Variants in NFKB1 observed in about 807,000 individuals in gnomAD.
The protein encoded by NFKB1 is nuclear factor NF-kappa-B p105 subunit.
In NFKB1, 9 loss-of-function variants were observed where a neutral mutation model predicts 105.1. The observed-to-expected ratio is 0.09, with a 90% CI of 0.05 to 0.15. NFKB1 has a LOEUF of 0.15. Among genes scored for constraint, NFKB1 ranks in the 10% least tolerant of loss-of-function variants. The pLI is 1.00. For synonymous variants in NFKB1, 440 were observed against 442.2 expected, an observed-to-expected ratio of 1.00 and a Z score of 0.06; for missense variants, 830 against 1,203.7, an observed-to-expected ratio of 0.69 and a Z score of 4.59.
chr4:102,538,365 A>G (rs1044290277), intron 5 of NFKB1, among the ~76,000 whole-genome samples: 4 of 152,248 alleles, frequency 2.6e-5, no homozygotes, highest in African/African-American at 9.6e-5. Flanking sequence ...ATTTGGATCC[A>G]GACTTTGTTA....
intron 1 of NFKB1, among the ~76,000 whole-genome samples, chr4:102,515,107 ATTTTT>A (rs34257045): frequency 1.0e-5 from 1 of 95,656 alleles, no homozygotes; most frequent in African/African-American, 4.4e-5. Flanking sequence ...TATTATTATT[ATTTTT>A]TTTTTTTTTT....
intron 5 of NFKB1, among the ~76,000 whole-genome samples, chr4:102,544,553 G>C (rs1236966675): frequency 1.3e-5 from 2 of 152,074 alleles, no homozygotes; most frequent in Non-Finnish European, 1.5e-5. Flanking sequence ...TGTGTGTCAG[G>C]TACTGCTCTA....
In NFKB1 at chr4:102,607,354, T is replaced by A. The variant is rs200407158; in HGVS notation, c.2124+35T>A. The A allele has an allele frequency of 4.1e-5, 66 of 1,591,410 alleles. 1 individual carries two copies. The African/African-American group carries it at 7.4e-4, about 18-fold the overall frequency. On this transcript the variant is annotated intron_variant, in intron 18 of 23. Coordinates refer to ENST00000226574, the MANE Select transcript of NFKB1 (RefSeq NM_003998.4). ...ACACTTATTTGCTTTTGCATTAAAT[T>A]TCTGAGGGAGATTTAAGGAAATCTT... is the stretch of plus-strand genomic sequence containing the variant.
At chr4:102,528,044 G>A (rs540617621) in intron 2 of NFKB1, among the ~76,000 whole-genome samples, 3 of 152,176 alleles carry the variant, frequency 2.0e-5, no homozygotes, top group African/African-American at 7.2e-5. Context: ...ATTTCCTAAA[G>A]TTTGCATGTC....
rs1739393072 is a variant in NFKB1, at chr4:102,505,943, T to C, written c.-8+4155T>C. Reference sequence around the variant, plus strand: ...AATTACATTATTTTGCTTTGCCTTCTGGAAAGAAAGGAGCACAAAATAGTC... The same window carrying C: ...AATTACATTATTTTGCTTTGCCTTCCGGAAAGAAAGGAGCACAAAATAGTC... On this transcript the variant is annotated intron_variant, in intron 1 of 23. Transcript: ENST00000226574. Among the ~76,000 whole-genome samples, 3 of 152,160 alleles carry C rather than the reference T, an allele frequency of 2.0e-5. 1 individual carries two copies. Among genetic ancestry groups the C allele is most frequent in the Admixed American group, 2.0e-4 (3 of 15,282 alleles).
intron 5 of NFKB1, among the ~76,000 whole-genome samples, chr4:102,540,859 A>C (rs932755520): frequency 3.3e-5 from 5 of 152,128 alleles, no homozygotes; most frequent in African/African-American, 1.2e-4. Flanking sequence ...TTAAGTTTAC[A>C]AAGGAATTTT....
intron 1 of NFKB1, among the ~76,000 whole-genome samples, chr4:102,513,869 A>G (rs1303644740): frequency 6.6e-6 from 1 of 151,954 alleles, no homozygotes; most frequent in African/African-American, 2.4e-5. Flanking sequence ...TTCCGTGTGT[A>G]TTTAAAAATA....
intron 7 of NFKB1, chr4:102,578,605 A>C: frequency 2.1e-6 from 1 of 477,438 alleles, no homozygotes; most frequent in Non-Finnish European, 3.7e-6. Flanking sequence ...AGGAAAGGGA[A>C]AGGTGGGGGA....
In NFKB1 at chr4:102,529,947, C is replaced by T. The variant is rs1410167917; in HGVS notation, c.118+33C>T. 16 of 1,482,838 alleles carry T rather than the reference C, an allele frequency of 1.1e-5. No individual in the cohort carries two copies. In the East Asian group the frequency reaches 3.7e-4, roughly 34 times the overall value. 91.9% of individuals were successfully genotyped at this position (1,482,838 alleles called of 1,614,324 possible). On this transcript the variant is annotated intron_variant, in intron 3 of 23. Transcript: ENST00000226574. ...AACTCATCCCTGTTACCCTGTTGTT[C>T]TGCTTTCAGTCTTAGTAAAATGCAG...
In NFKB1 at chr4:102,552,278, T is replaced by G. The variant is rs181708607; in HGVS notation, c.258+14322T>G. Among the ~76,000 whole-genome samples the G allele has an allele frequency of 2.0e-5, 3 of 152,286 alleles. No individual in the cohort carries two copies. In the East Asian group the frequency reaches 5.8e-4, roughly 29 times the overall value. On this transcript the variant is annotated intron_variant, in intron 5 of 23. Coordinates refer to ENST00000226574, the MANE Select transcript of NFKB1 (RefSeq NM_003998.4). ...ATTTATAGCCTGGAGGATTTGGTTG[T>G]CTTCAAATATATGAATGGCTGTGAT... is the stretch of plus-strand genomic sequence containing the variant.
intron 5 of NFKB1, among the ~76,000 whole-genome samples, chr4:102,546,478 A>G: frequency 6.6e-6 from 1 of 152,154 alleles, no homozygotes; most frequent in East Asian, 1.9e-4. Context: ...CTCCCACTAC[A>G]ATACACTTAG....
intron 5 of NFKB1, among the ~76,000 whole-genome samples, chr4:102,551,728 A>G (rs230512): frequency 0.59 from 89,198 of 151,852 alleles, 26,390 homozygotes; most frequent in Middle Eastern, 0.71. Flanking sequence ...ATCTTTCACC[A>G]AACACTTTAA....
intron 9 of NFKB1, 80 bp downstream of exon 9, chr4:102,580,719 T>C (rs1725255343): frequency 1.8e-6 from 2 of 1,125,604 alleles, no homozygotes; most frequent in Admixed American, 2.0e-5. Context: ...GTGAGTCACA[T>C]TTCAGCAGTG....
intron 6 of NFKB1, among the ~76,000 whole-genome samples, chr4:102,568,702 T>C (rs1335728304): frequency 6.6e-6 from 1 of 152,206 alleles, no homozygotes; most frequent in Non-Finnish European, 1.5e-5. Context: ...TGGTTTGCTT[T>C]AGTAATCTTT....
At chr4:102,506,669 A>G (rs1739434843) in intron 1 of NFKB1, among the ~76,000 whole-genome samples, 2 of 152,156 alleles carry the variant, frequency 1.3e-5, no homozygotes, top group African/African-American at 4.8e-5. Flanking sequence ...AGAAAAGAGC[A>G]AAATGCCAAT....
intron 6 of NFKB1, among the ~76,000 whole-genome samples, chr4:102,575,210 G>A: frequency 6.6e-6 from 1 of 152,252 alleles, no homozygotes; most frequent in South Asian, 2.1e-4. Context: ...TGCCTTCAAG[G>A]AGCTTATTTT....
At chr4:102,547,920 G>A (rs1253088965) in intron 5 of NFKB1, among the ~76,000 whole-genome samples, 1 of 152,102 alleles carries the variant, frequency 6.6e-6, no homozygotes, top group East Asian at 1.9e-4. Flanking sequence ...AATCTCATAG[G>A]TAGGATACCA....
chr4:102,554,117 A>T (rs1481278041), intron 5 of NFKB1, among the ~76,000 whole-genome samples: 1 of 152,134 alleles, frequency 6.6e-6, no homozygotes, highest in Admixed American at 6.5e-5. Context: ...CTGGAAAATG[A>T]GTGAGACATT....
intron 15 of NFKB1, among the ~76,000 whole-genome samples, chr4:102,599,461 GA>G (rs778141703): frequency 1.4e-4 from 22 of 152,190 alleles, no homozygotes; most frequent in Non-Finnish European, 1.2e-4. Flanking sequence ...TTATTTTAGA[GA>G]AGATCCAGCC....
Sources: gnomAD v4.1 joint callset for allele counts (sites outside exome capture counted in the v4.1 genomes callset) on GRCh38, gnomAD v4.1.1 for gene constraint, MANE v1.5 for transcripts, NCBI Gene and HGNC (gene_info 2026-07-23, HGNC 2026-07-21) for gene names.